The following ZBTB8B variants were observed in gnomAD, a reference collection of about 807,000 sequenced individuals.
ZBTB8B encodes the protein zinc finger and BTB domain containing 8B.
ZBTB8B carries 17 observed loss-of-function variants against 30.3 expected under a neutral mutation model. The observed-to-expected ratio is 0.56, with a 90% confidence interval of 0.38 to 0.84. The LOEUF is 0.84. Among genes scored for constraint, ZBTB8B ranks in the 40% least tolerant of loss-of-function variants. The pLI is 0.00. For missense variants in ZBTB8B, 515 were observed against 644.9 expected (o/e 0.80, Z 2.18); for synonymous variants, 248 against 255.6 (o/e 0.97, Z 0.28).
chr1:32,473,846 GTTTAT>G (rs1194447104), intron 2 of ZBTB8B, among the ~76,000 whole-genome samples: 2 of 150,728 alleles, frequency 1.3e-5, no homozygotes, highest in East Asian at 2.0e-4. Flanking sequence ...TAATTTCTGG[GTTTAT>G]TTTATTTTAA....
intron 1 of ZBTB8B, among the ~76,000 whole-genome samples, chr1:32,470,344 C>T (rs1164764529): frequency 6.6e-6 from 1 of 150,814 alleles, no homozygotes; most frequent in East Asian, 2.0e-4. Flanking sequence ...ACTAAATATA[C>T]AAAAAATTTG....
Position 32,495,741 on chromosome 1 carries a change from G to T in ZBTB8B, c.*10323G>T, listed in dbSNP as rs1388748894. The T allele has an allele frequency of 1.3e-5, 2 of 152,114 alleles. No individual in the cohort carries two copies. The highest frequency in any genetic ancestry group is 1.9e-4 in the East Asian group (1 of 5,198). 9.4% of individuals were successfully genotyped at this position (152,114 alleles called of 1,614,324 possible). ...TTCTTTAGAATGAGTTGTTAGCTGG[G>T]TGTGGTAGTGTACACCTGTAGTCCC... On this transcript the variant is annotated 3_prime_UTR_variant, in exon 4 of 4. Transcript: ENST00000609129.
rs1278957438 is a variant in ZBTB8B at position 32,470,564 on chromosome 1, CTT to C, written c.-41-19_-41-18del. The C allele has an allele frequency of 2.7e-6, 2 of 734,706 alleles. No individual in the cohort carries two copies. The highest frequency in any genetic ancestry group is 4.3e-5 in the African/African-American group (2 of 46,300). The allele number at this position is 734,706 out of a possible 1,614,324, so 45.5% of individuals were successfully genotyped here. Reference sequence around the variant, plus strand: ...GTAAAGGTTGGGATTTGTGAATTAACTTAAGAAAAATCTTGGCAGAGATACAG... The same window carrying C: ...GTAAAGGTTGGGATTTGTGAATTAACAAGAAAAATCTTGGCAGAGATACAG... On this transcript the variant is annotated intron_variant, in intron 1 of 3. Coordinates refer to ENST00000609129, the MANE Select transcript of ZBTB8B (RefSeq NM_001145720.2).
At position 32,485,302 on chromosome 1, in the gene ZBTB8B, G is replaced by C. The variant is rs781740286; in HGVS notation, c.1372G>C (p.Asp458His). ...SSESQEKSDT[D>H]NDWPIYVESG... The stretch of plus-strand genomic sequence containing the variant: ...TGAAAGCCAAGAAAAGAGCGACACA[G>C]ACAATGACTGGCCAATCTATGTGGA... The change falls in exon 4 of 4, where the codon GAC (aspartate) becomes CAC (histidine). Residue 458 changes from aspartate (D) to histidine (H), a missense_variant. Physicochemically the swap from Asp to His is moderately conservative, Grantham distance 81 (BLOSUM62 -1). Around this residue, in one of 3 missense-constraint regions of ZBTB8B, gnomAD observed 429 missense variants for 504.3 expected, o/e 0.85. Coordinates refer to ENST00000609129, the MANE Select transcript of ZBTB8B (RefSeq NM_001145720.2). 3 of 1,552,306 alleles carry C rather than the reference G, an allele frequency of 1.9e-6. No individual in the cohort carries two copies.
chr1:32,494,190 A>C lies in ZBTB8B; in HGVS notation c.*8772A>C, dbSNP rs1297495633. Reference sequence around the variant, plus strand: ...GAGAGCAAAACTCCATCTCAAAAAAAAAAAAAAAAAAAAAAAAGAAATCAG... The same window carrying C: ...GAGAGCAAAACTCCATCTCAAAAAACAAAAAAAAAAAAAAAAAGAAATCAG... On this transcript the variant is annotated 3_prime_UTR_variant, in exon 4 of 4. Transcript: ENST00000609129. 6.6e-6 allele frequency: 1 copy of C among 151,432 alleles called. No homozygotes were observed. The highest frequency in any genetic ancestry group is 2.1e-4 in the South Asian group (1 of 4,818). 9.4% of individuals were successfully genotyped at this position (151,432 alleles called of 1,614,324 possible).
intron 2 of ZBTB8B, among the ~76,000 whole-genome samples, chr1:32,480,565 T>C (rs1260659666): frequency 6.6e-6 from 1 of 152,166 alleles, no homozygotes; most frequent in Admixed American, 6.5e-5. Context: ...TTGGGAAACT[T>C]TTCCAGTTAT....
At position 32,490,715 on chromosome 1, in the gene ZBTB8B, G is replaced by T. The variant is rs1303616759; in HGVS notation, c.*5297G>T. 6.6e-6 allele frequency: 1 copy of T among 152,068 alleles called. No homozygotes were observed. The highest frequency in any genetic ancestry group is 1.5e-5 in the Non-Finnish European group (1 of 68,026). The allele number at this position is 152,068 out of a possible 1,614,324, so 9.4% of individuals were successfully genotyped here. A position where few individuals can be genotyped will look rare whatever the true frequency, so the allele number is the denominator to read the frequency against. The stretch of plus-strand genomic sequence containing the variant: ...TGCCATTCTCCTGCCTCAGCCTCCT[G>T]AGTAGCTGGGACTACAGGCACCCGC... On this transcript the variant is annotated 3_prime_UTR_variant, in exon 4 of 4. Coordinates refer to ENST00000609129, the MANE Select transcript of ZBTB8B (RefSeq NM_001145720.2).
chr1:32,471,733 C>A, intron 2 of ZBTB8B, 118 bp downstream of exon 2: 1 of 1,142,024 alleles, frequency 8.8e-7, no homozygotes, highest in Non-Finnish European at 1.2e-6. Flanking sequence ...CCAACATTAT[C>A]AGTACCATCA....
chr1:32,471,047 A>AGCGGCGGCGGCT lies in ZBTB8B; in HGVS notation c.426_437dup (p.Ala150_Ala153dup). On this transcript the variant is annotated inframe_insertion, in exon 2 of 4. Coordinates refer to ENST00000609129, the MANE Select transcript of ZBTB8B (RefSeq NM_001145720.2). ...CTGTGGCTGCAGCAGTGGCGGCGGC[A>AGCGGCGGCGGCT]GCGGCGGCGGCTGCAGCGGCGGCAG... The AGCGGCGGCGGCT allele has an allele frequency of 1.3e-6, 2 of 1,548,326 alleles. No individual in the cohort carries two copies. Among genetic ancestry groups the AGCGGCGGCGGCT allele is most frequent in the Non-Finnish European group, 8.7e-7 (1 of 1,145,126 alleles).
At chr1:32,470,556 T>C (rs1448199594) in intron 1 of ZBTB8B, 28 bp from the exon 2 acceptor site, 3 of 1,352,386 alleles carry the variant, frequency 2.2e-6, no homozygotes, top group East Asian at 5.4e-5. Context: ...TTGGGATTTG[T>C]GAATTAACTT....
chr1:32,479,248 G>A lies in ZBTB8B; in HGVS notation c.992-1643G>A, dbSNP rs149056735. ...GATAGAGAGAACAAATCTCGGGCCG[G>A]GCATGGTGGCTCATGCCTGTAATCC... On this transcript the variant is annotated intron_variant, in intron 2 of 3. Transcript: ENST00000609129. Among the ~76,000 whole-genome samples, 22 of 152,296 alleles carry A rather than the reference G, an allele frequency of 1.4e-4. No homozygotes were observed. In the East Asian group the frequency reaches 4.2e-3, roughly 29 times the overall value.
Position 32,489,552 on chromosome 1 carries a change from G to T in ZBTB8B, c.*4134G>T, listed in dbSNP as rs1643766360. 1 of 152,144 alleles carries T rather than the reference G, an allele frequency of 6.6e-6. No individual in the cohort carries two copies. Among genetic ancestry groups the T allele is most frequent in the South Asian group, 2.1e-4 (1 of 4,828 alleles). 9.4% of individuals were successfully genotyped at this position (152,144 alleles called of 1,614,324 possible). ...TCACAGTGTCTTTGAGGTTTAATTT[G>T]TGGGGTTGGTGGTATTTTTATACTA... On this transcript the variant is annotated 3_prime_UTR_variant, in exon 4 of 4. Coordinates refer to ENST00000609129, the MANE Select transcript of ZBTB8B (RefSeq NM_001145720.2).
At chr1:32,478,665 G>A (rs1391957690) in intron 2 of ZBTB8B, among the ~76,000 whole-genome samples, 1 of 152,194 alleles carries the variant, frequency 6.6e-6, no homozygotes. Flanking sequence ...AGTCACTATA[G>A]AGTATGCAAA....
rs1268491079 is a variant in ZBTB8B at position 32,490,152 on chromosome 1, TCTTGTGTGTGTCC to T, written c.*4741_*4753del. 1.3e-5 allele frequency: 2 copies of T among 152,206 alleles called. No individual in the cohort carries two copies. The highest frequency in any genetic ancestry group is 4.8e-5 in the African/African-American group (2 of 41,422). 9.4% of individuals were successfully genotyped at this position (152,206 alleles called of 1,614,324 possible). On this transcript the variant is annotated 3_prime_UTR_variant, in exon 4 of 4. Coordinates refer to ENST00000609129, the MANE Select transcript of ZBTB8B (RefSeq NM_001145720.2). ...TGTTTTATTTGGAACTCTAGATTTT[TCTTGTGTGTGTCC>T]CTTGTGCATTAAGAGAATGATCTCT...
rs1305166742 is a variant in ZBTB8B at position 32,470,512 on chromosome 1, A to G, written c.-41-72A>G. On this transcript the variant is annotated intron_variant, in intron 1 of 3. Transcript: ENST00000609129. ...AAGACGCTGACTCAAAAAAAAAAAAAAAAAAAAAAAAAAAGAAATCTTGTT... is the reference window on the plus strand; with the variant it reads ...AAGACGCTGACTCAAAAAAAAAAAAGAAAAAAAAAAAAAAGAAATCTTGTT... 1.4e-5 allele frequency: 15 copies of G among 1,083,148 alleles called. No individual in the cohort carries two copies. The East Asian group carries it at 3.9e-4, about 28-fold the overall frequency. 67.1% of individuals were successfully genotyped at this position (1,083,148 alleles called of 1,614,324 possible).
chr1:32,467,246 T>G (rs1351605430), intron 1 of ZBTB8B, among the ~76,000 whole-genome samples: 1 of 121,596 alleles, frequency 8.2e-6, no homozygotes, highest in Non-Finnish European at 2.0e-5. Context: ...CACACTTGTT[T>G]TTTTTTTTTT....
At chr1:32,474,375 A>ATT (rs1643646827) in intron 2 of ZBTB8B, among the ~76,000 whole-genome samples, 1 of 136,994 alleles carries the variant, frequency 7.3e-6, no homozygotes, top group East Asian at 2.1e-4. Context: ...AAAAAAAAAA[A>ATT]AAAAAAATTG....
chr1:32,473,702 A>G (rs1352782195), intron 2 of ZBTB8B, among the ~76,000 whole-genome samples: 4 of 151,870 alleles, frequency 2.6e-5, no homozygotes, highest in African/African-American at 9.7e-5. Context: ...TTGATTTATA[A>G]TAGAGACAAG....
chr1:32,470,795 C>T lies in ZBTB8B; in HGVS notation c.171C>T (p.Ile57=). The change falls in exon 2 of 4, where the codon ATC becomes ATT. Residue 57 remains isoleucine (I), a synonymous_variant. Coordinates refer to ENST00000609129, the MANE Select transcript of ZBTB8B (RefSeq NM_001145720.2). ...GYFRALLIHY[I]QDSGRHSTAS... ...TCCGAGCCCTGCTCATTCACTATAT[C>T]CAGGACAGCGGGCGGCATAGCACCG... 1.3e-6 allele frequency: 2 copies of T among 1,551,838 alleles called. No homozygotes were observed. Among genetic ancestry groups the T allele is most frequent in the Non-Finnish European group, 1.7e-6 (2 of 1,147,030 alleles).
Sources: gnomAD v4.1 joint callset for allele counts (sites outside exome capture counted in the v4.1 genomes callset) on GRCh38, gnomAD v4.1.1 for gene constraint, gnomAD v4.1.1 regional missense constraint, MANE v1.5 for transcripts, NCBI Gene and HGNC (gene_info 2026-07-23, HGNC 2026-07-21) for gene names.